Variants in ARAP2 observed in about 807,000 individuals in gnomAD.
ARAP2 encodes the protein arf-GAP with Rho-GAP domain, ANK repeat and PH domain-containing protein 2.
ARAP2 carries 148 observed loss-of-function variants against 194.5 expected under a neutral mutation model. That is an observed-to-expected ratio of 0.76 (90% CI 0.67 to 0.87). The LOEUF (loss-of-function observed/expected upper bound fraction) is 0.87. ARAP2 is among the 40% of genes least tolerant of loss of function. The probability of loss-of-function intolerance (pLI) is 0.00; values close to 1 mark genes in which losing one functional copy is unlikely to be tolerated. For synonymous variants in ARAP2, 695 were observed against 683.5 expected, an observed-to-expected ratio of 1.02 and a Z score of -0.26; for missense variants, 2,128 against 1,989.7, an observed-to-expected ratio of 1.07 and a Z score of -1.32.
intron 2 of ARAP2, among the ~76,000 whole-genome samples, chr4:36,226,154 TG>T (rs1750255786): frequency 6.7e-6 from 1 of 148,558 alleles, no homozygotes; most frequent in South Asian, 2.1e-4. Context: ...AAAAATCACA[TG>T]AAAAAAAAAA....
chr4:36,068,422 G>T, intron 32 of ARAP2, 144 bp from the exon 33 acceptor site: 4 of 860,218 alleles, frequency 4.6e-6, no homozygotes, highest in Non-Finnish European at 6.6e-6. Flanking sequence ...CGATACAAGT[G>T]GCATGTCTGA....
intron 27 of ARAP2, among the ~76,000 whole-genome samples, chr4:36,098,066 T>G (rs1051092411): frequency 1.3e-5 from 2 of 148,660 alleles, no homozygotes; most frequent in African/African-American, 5.0e-5. Context: ...AAAAAAAAAA[T>G]AGTTTTTCTA....
intron 6 of ARAP2, among the ~76,000 whole-genome samples, chr4:36,199,979 A>T (rs1456516826): frequency 6.6e-6 from 1 of 152,114 alleles, no homozygotes; most frequent in Non-Finnish European, 1.5e-5. Context: ...TCACATCTCA[A>T]TAAAGCTGGA....
intron 1 of ARAP2, among the ~76,000 whole-genome samples, chr4:36,235,408 T>A (rs1336763215): frequency 6.6e-6 from 1 of 152,190 alleles, no homozygotes; most frequent in Non-Finnish European, 1.5e-5. Flanking sequence ...TTTACAACCT[T>A]CTTCTCCAGC....
chr4:36,040,069 A>G (rs1720587540), intron 5 of ARAP2, among the ~76,000 whole-genome samples: 1 of 152,188 alleles, frequency 6.6e-6, no homozygotes, highest in East Asian at 1.9e-4. Flanking sequence ...GGACATGTGT[A>G]CTCTATGATT....
At chr4:36,017,667 G>C (rs1441475181) in intron 6 of ARAP2, among the ~76,000 whole-genome samples, 1 of 148,706 alleles carries the variant, frequency 6.7e-6, no homozygotes, top group Non-Finnish European at 1.5e-5. Context: ...ATACCCCTGG[G>C]ACAGTAAATC....
intron 26 of ARAP2, among the ~76,000 whole-genome samples, chr4:36,113,074 T>C (rs1461873921): frequency 6.6e-6 from 1 of 151,796 alleles, no homozygotes; most frequent in African/African-American, 2.4e-5. Context: ...CCAGGCAGTA[T>C]GGAAAACAGA....
At chr4:36,100,680 C>T (rs1475575702) in intron 27 of ARAP2, among the ~76,000 whole-genome samples, 1 of 152,020 alleles carries the variant, frequency 6.6e-6, no homozygotes, top group Non-Finnish European at 1.5e-5. Context: ...TCAAAATGCA[C>T]TTTGGTGAAA....
chr4:36,241,249 G>GT (rs1753447962), intron 1 of ARAP2, among the ~76,000 whole-genome samples: 1 of 152,132 alleles, frequency 6.6e-6, no homozygotes, highest in East Asian at 1.9e-4. Flanking sequence ...AGCCTACTGT[G>GT]TTTCCTCTCT....
At chr4:36,136,832 T>A (rs1045559995) in intron 19 of ARAP2, among the ~76,000 whole-genome samples, 19 of 150,988 alleles carry the variant, frequency 1.3e-4, no homozygotes, top group Admixed American at 8.0e-4. Context: ...TGTCTGTGTA[T>A]CTCAGTCCTA....
chr4:36,096,374 A>AAAAAAG (rs1553899087), intron 27 of ARAP2, among the ~76,000 whole-genome samples: 1 of 142,084 alleles, frequency 7.0e-6, no homozygotes, highest in African/African-American at 2.9e-5. Flanking sequence ...AAAAAAAAAA[A>AAAAAAG]AAAAAAGAAA....
chr4:36,174,964 A>G (rs866432434), intron 9 of ARAP2, among the ~76,000 whole-genome samples: 4 of 152,226 alleles, frequency 2.6e-5, no homozygotes, highest in Non-Finnish European at 5.9e-5. Context: ...AAAGTAAATT[A>G]CTAAAACTAT....
chr4:36,197,877 A>G (rs543493091), intron 6 of ARAP2, among the ~76,000 whole-genome samples: 4 of 152,238 alleles, frequency 2.6e-5, no homozygotes, highest in South Asian at 2.1e-4. Flanking sequence ...CCAGGAACTT[A>G]AGAGGTCCAA....
intron 9 of ARAP2, among the ~76,000 whole-genome samples, chr4:36,171,009 A>G (rs1736490568): frequency 6.6e-6 from 1 of 152,088 alleles, no homozygotes; most frequent in Non-Finnish European, 1.5e-5. Flanking sequence ...TTGTGTTCCT[A>G]ACAGGCCTTC....
At chr4:36,055,744 A>T (rs1042018002) in intron 2 of ARAP2, among the ~76,000 whole-genome samples, 6 of 151,946 alleles carry the variant, frequency 3.9e-5, no homozygotes, top group African/African-American at 9.7e-5. Flanking sequence ...TTGTATTTTT[A>T]GTAGAGACGG....
At chr4:36,178,092 C>T in intron 8 of ARAP2, 87 bp from the exon 9 acceptor site, 1 of 1,185,376 alleles carries the variant, frequency 8.4e-7, no homozygotes, top group South Asian at 1.7e-5. Context: ...ATGCCCTTTG[C>T]AACACATAAG....
intron 28 of ARAP2, among the ~76,000 whole-genome samples, chr4:36,083,883 T>C (rs1016731576): frequency 1.3e-5 from 2 of 152,112 alleles, no homozygotes; most frequent in Non-Finnish European, 2.9e-5. Flanking sequence ...GGGCACCATC[T>C]AATCAGCTGC....
Position 36,177,967 on chromosome 4 carries a change from G to T in ARAP2, c.1717C>A (p.Leu573Met). 3.7e-6 allele frequency: 6 copies of T among 1,612,284 alleles called. No individual in the cohort carries two copies. The highest frequency in any genetic ancestry group is 5.1e-6 in the Non-Finnish European group (6 of 1,179,276). The change falls in exon 9 of 33, where the codon CTG becomes ATG. Residue 573 changes from leucine (L) to methionine (M), a missense_variant. Leu to Met is a conservative substitution (Grantham distance 15). Coordinates refer to ENST00000303965, the MANE Select transcript of ARAP2 (RefSeq NM_015230.4). The part of the protein sequence containing the change: ...NDWISILLNA[L>M]KSQSLTSQSQ... ...TGCGAGGTAAGGGATTGTGATTTCA[G>T]TGCATTTAATAGTATGCTGATCCAG...
intron 15 of ARAP2, among the ~76,000 whole-genome samples, chr4:36,154,901 T>C (rs1353440937): frequency 6.6e-6 from 1 of 152,160 alleles, no homozygotes; most frequent in Non-Finnish European, 1.5e-5. Flanking sequence ...TTTCCATAAA[T>C]CTGATGTTCA....
Sources: allele counts gnomAD v4.1 joint callset (sites outside exome capture counted in the v4.1 genomes callset), GRCh38; gene constraint gnomAD v4.1.1; transcripts MANE v1.5; gene names NCBI Gene and HGNC (gene_info 2026-07-23, HGNC 2026-07-21).